The following CCN4 variants were observed in gnomAD, a reference collection of about 807,000 sequenced individuals.
CCN4 encodes CCN family member 4.
CCN4 carries 30 observed loss-of-function variants against 36.7 expected under a neutral mutation model. The ratio of observed to expected loss-of-function variants is 0.82; its 90% CI spans 0.61 to 1.11. The LOEUF is 1.11. CCN4 is among the 50% of genes least tolerant of loss of function. The probability of loss-of-function intolerance (pLI) is 0.00; values close to 1 mark genes in which losing one functional copy is unlikely to be tolerated. For synonymous variants in CCN4, 191 were observed against 195.4 expected (o/e 0.98, Z 0.19); for missense variants, 505 against 504.9 (o/e 1.00, Z 0.00).
chr8:133,196,015 C>T (rs930380605), intron 1 of CCN4, among the ~76,000 whole-genome samples: 1 of 152,190 alleles, frequency 6.6e-6, no homozygotes, highest in Non-Finnish European at 1.5e-5. Flanking sequence ...CAACCACAAC[C>T]AGGAAGCAAA....
chr8:133,208,145 A>G (rs186084121), intron 1 of CCN4, among the ~76,000 whole-genome samples: 1 of 152,244 alleles, frequency 6.6e-6, no homozygotes, highest in Admixed American at 6.5e-5. Context: ...AATGGGAATA[A>G]TAATACCAGT....
intron 1 of CCN4, among the ~76,000 whole-genome samples, chr8:133,206,727 C>T (rs1386889222): frequency 2.0e-5 from 3 of 152,070 alleles, no homozygotes; most frequent in African/African-American, 4.8e-5. Context: ...TGCCTGGGGC[C>T]GAGGGAGGCT....
At chr8:133,204,797 C>T (rs1853709131) in intron 1 of CCN4, among the ~76,000 whole-genome samples, 1 of 152,180 alleles carries the variant, frequency 6.6e-6, no homozygotes, top group Non-Finnish European at 1.5e-5. Context: ...CTCGAGTGAT[C>T]CACCTGCCTC....
intron 1 of CCN4, among the ~76,000 whole-genome samples, chr8:133,210,874 C>T (rs1042071990): frequency 5.3e-5 from 8 of 152,172 alleles, no homozygotes; most frequent in African/African-American, 1.9e-4. Flanking sequence ...AAAGGGGCCC[C>T]AGGTGAAAAA....
intron 3 of CCN4, among the ~76,000 whole-genome samples, chr8:133,221,448 GTGGA>G (rs898920074): frequency 1.2e-4 from 18 of 152,272 alleles, no homozygotes; most frequent in East Asian, 3.9e-4. Flanking sequence ...AGATGGGCGG[GTGGA>G]TGGATGGATG....
intron 1 of CCN4, 53 bp from the exon 2 acceptor site, chr8:133,212,811 C>T (rs536756581): frequency 1.0e-5 from 14 of 1,381,786 alleles, no homozygotes; most frequent in Non-Finnish European, 1.4e-5. Flanking sequence ...GCCCTTTGGG[C>T]GTTGAAACCC....
intron 3 of CCN4, among the ~76,000 whole-genome samples, chr8:133,221,996 G>A (rs1414876328): frequency 1.3e-5 from 2 of 151,658 alleles, no homozygotes; most frequent in African/African-American, 4.8e-5. Context: ...ATGGATGGAT[G>A]GATGGATGAA....
chr8:133,195,081 C>CG (rs1853324986), intron 1 of CCN4, among the ~76,000 whole-genome samples: 4 of 118,474 alleles, frequency 3.4e-5, no homozygotes, highest in Non-Finnish European at 7.0e-5. Context: ...ATGTAGTGTG[C>CG]TTGTGTGTGT....
chr8:133,203,181 C>A (rs527367939), intron 1 of CCN4, among the ~76,000 whole-genome samples: 1 of 152,246 alleles, frequency 6.6e-6, no homozygotes, highest in Admixed American at 6.5e-5. Context: ...AGGCGCAGTG[C>A]CGGGCACCCA....
Position 133,191,046 on chromosome 8 carries a change from G to T in CCN4, c.-99G>T. ...AAGGGCTGCGGAAGAGGCATATCTG[G>T]TGCTCCTGATGGGCCGGCCAGTCTG... On this transcript the variant is annotated 5_prime_UTR_variant, in exon 1 of 5. Coordinates refer to ENST00000250160, the MANE Select transcript of CCN4 (RefSeq NM_003882.4). The T allele has an allele frequency of 7.8e-7, 1 of 1,279,096 alleles. No individual in the cohort carries two copies. Among genetic ancestry groups the T allele is most frequent in the Non-Finnish European group, 1.1e-6 (1 of 899,604 alleles). The allele number at this position is 1,279,096 out of a possible 1,614,324, so 79.2% of individuals were successfully genotyped here.
At chr8:133,216,924 C>T (rs1854340980) in intron 2 of CCN4, among the ~76,000 whole-genome samples, 1 of 152,230 alleles carries the variant, frequency 6.6e-6, no homozygotes, top group African/African-American at 2.4e-5. Flanking sequence ...TTATTCACGG[C>T]CACCTTTAGA....
At chr8:133,216,569 C>G (rs537366871) in intron 2 of CCN4, among the ~76,000 whole-genome samples, 1 of 152,194 alleles carries the variant, frequency 6.6e-6, no homozygotes, top group South Asian at 2.1e-4. Context: ...TAAAACCACT[C>G]TGTGGGCCAA....
intron 1 of CCN4, among the ~76,000 whole-genome samples, chr8:133,199,371 C>T (rs529737358): frequency 1.3e-5 from 2 of 152,186 alleles, no homozygotes; most frequent in African/African-American, 2.4e-5. Flanking sequence ...GAGCCAGCTC[C>T]ACCACATCCC....
At chr8:133,204,761 G>A (rs1003965668) in intron 1 of CCN4, among the ~76,000 whole-genome samples, 6 of 152,190 alleles carry the variant, frequency 3.9e-5, no homozygotes, top group Non-Finnish European at 8.8e-5. Context: ...TGCCATGTTG[G>A]CCAGGCTGGT....
rs1216408094 is a variant in CCN4 at position 133,229,349 on chromosome 8, G to GT, written c.*1640dup. On this transcript the variant is annotated 3_prime_UTR_variant, in exon 5 of 5. Coordinates refer to ENST00000250160, the MANE Select transcript of CCN4 (RefSeq NM_003882.4). ...TTTAATGTCATTTTTCCCTCTTATA[G>GT]TCTTTCTAGCTCCTTTTCAAAAGAC... 6.6e-6 allele frequency: 1 copy of GT among 152,076 alleles called. No individual in the cohort carries two copies. Among genetic ancestry groups the GT allele is most frequent in the African/African-American group, 2.4e-5 (1 of 41,374 alleles). 9.4% of individuals were successfully genotyped at this position (152,076 alleles called of 1,614,324 possible).
chr8:133,208,352 C>A (rs1367690708), intron 1 of CCN4, among the ~76,000 whole-genome samples: 1 of 152,160 alleles, frequency 6.6e-6, no homozygotes, highest in African/African-American at 2.4e-5. Flanking sequence ...GAGGAGAAGA[C>A]AGGCTCAGAA....
Position 133,213,132 on chromosome 8 carries a change from G to T in CCN4, c.338G>T (p.Gly113Val). 6.3e-7 allele frequency: 1 copy of T among 1,582,118 alleles called. No homozygotes were observed. Among genetic ancestry groups the T allele is most frequent in the Non-Finnish European group, 8.6e-7 (1 of 1,166,822 alleles). ...GGGGACCGCCCGAGGTACGCAATAG[G>T]AGTGTGTGCACGTAAGTGAGTCCTC... ...YSGDRPRYAIGVCAQVVGVGC... is the reference protein window; with the variant it reads ...YSGDRPRYAIVVCAQVVGVGC... The change falls in exon 2 of 5, where the codon GGA becomes GTA. Residue 113 changes from glycine (G) to valine (V), a missense_variant. By Grantham distance (109) the Gly-to-Val change is moderately radical. Transcript: ENST00000250160.
chr8:133,227,688 A>T lies in CCN4; in HGVS notation c.1082A>T (p.Asp361Val), dbSNP rs750805498. The T allele has an allele frequency of 6.2e-7, 1 of 1,613,218 alleles. No homozygotes were observed. The highest frequency in any genetic ancestry group is 8.5e-7 in the Non-Finnish European group (1 of 1,179,288). The change falls in exon 5 of 5, where the codon GAC (aspartate) becomes GTC (valine). Residue 361 changes from aspartate to valine, a missense_variant. Asp to Val is a radical substitution (Grantham distance 152). Transcript: ENST00000250160. ...DIFADLESYP[D>V]FSEIAN The stretch of plus-strand genomic sequence containing the variant: ...TTTGCTGACTTGGAATCCTACCCTG[A>T]CTTCTCAGAAATTGCCAACTAGGCA...
chr8:133,207,084 G>A (rs758799807), intron 1 of CCN4, among the ~76,000 whole-genome samples: 16 of 152,202 alleles, frequency 1.1e-4, no homozygotes, highest in African/African-American at 1.9e-4. Context: ...TCCTTCTGCC[G>A]TTCCCTGCTC....
Sources: allele counts gnomAD v4.1 joint callset (sites outside exome capture counted in the v4.1 genomes callset), GRCh38; gene constraint gnomAD v4.1.1; transcripts MANE v1.5; gene names NCBI Gene and HGNC (gene_info 2026-07-23, HGNC 2026-07-21).